OGA: variants seen among roughly 807,000 people sequenced by gnomAD.
OGA encodes O-GlcNAcase.
In OGA, 21 loss-of-function variants were observed where a neutral mutation model predicts 102.0. The ratio of observed to expected loss-of-function variants is 0.21; its 90% CI spans 0.15 to 0.30. The LOEUF (loss-of-function observed/expected upper bound fraction) is 0.30. Ranked by LOEUF, OGA falls within the 10% of genes least tolerant of loss-of-function variation. The pLI, the probability that OGA is intolerant of heterozygous loss-of-function variation, is 1.00. For missense variants in OGA, 765 were observed against 1,107.8 expected (o/e 0.69, Z 4.39); for synonymous variants, 408 against 378.2 (o/e 1.08, Z -0.91).
At chr10:101,804,094 C>T (rs913294520) in intron 6 of OGA, 75 bp from the exon 7 acceptor site, 2 of 1,400,454 alleles carry the variant, frequency 1.4e-6, no homozygotes, top group East Asian at 4.6e-5. Flanking sequence ...ACTGTAATCC[C>T]AGCACTCTGG....
At position 101,818,410 on chromosome 10, in the gene OGA, C is replaced by T. The variant is rs1347548222; in HGVS notation, c.-388G>A. 9.8e-6 allele frequency: 10 copies of T among 1,019,984 alleles called. No homozygotes were observed. Among genetic ancestry groups the T allele is most frequent in the South Asian group, 4.0e-5 (1 of 24,870 alleles). 63.2% of individuals were successfully genotyped at this position (1,019,984 alleles called of 1,614,324 possible). On this transcript the variant is annotated 5_prime_UTR_variant, in exon 1 of 16. Transcript: ENST00000361464. ...CTCCAAGCCCCGAGCTCTCCCTCTG[C>T]TGCTGCCTCCACCGCCCGCTTCCTG...
intron 1 of OGA, 61 bp from the exon 2 acceptor site, chr10:101,813,667 A>G: frequency 9.6e-7 from 1 of 1,038,750 alleles, no homozygotes; most frequent in Non-Finnish European, 1.5e-6. Flanking sequence ...CTTTATTGAG[A>G]AAAGCAAGTT....
At chr10:101,790,274 T>TTG (rs1330872364) in intron 14 of OGA, among the ~76,000 whole-genome samples, 11 of 142,608 alleles carry the variant, frequency 7.7e-5, no homozygotes, top group Non-Finnish European at 1.7e-4. Context: ...TGTTTTTTTT[T>TTG]TTTTTTTTTT....
intron 14 of OGA, among the ~76,000 whole-genome samples, chr10:101,788,130 TAAAAAA>T (rs529209574): frequency 1.9e-5 from 2 of 106,708 alleles, no homozygotes; most frequent in Non-Finnish European, 3.9e-5. Context: ...GACTCTGTCT[TAAAAAA>T]AAAAAAAAAA....
intron 7 of OGA, among the ~76,000 whole-genome samples, chr10:101,802,675 GA>G (rs763196765): frequency 2.9e-4 from 38 of 129,642 alleles, no homozygotes; most frequent in Admixed American, 1.2e-3. Flanking sequence ...ATCTCAAAAA[GA>G]AAAAAAAAAA....
Position 101,794,009 on chromosome 10 carries a change from C to A in OGA, c.1985-11G>T. The A allele has an allele frequency of 6.2e-7, 1 of 1,600,590 alleles. No homozygotes were observed. The highest frequency in any genetic ancestry group is 8.6e-7 in the Non-Finnish European group (1 of 1,168,974). On this transcript the variant is annotated splice_polypyrimidine_tract_variant and intron_variant, in intron 10 of 15. Transcript: ENST00000361464. Reference sequence around the variant, plus strand: ...AATGACTACGACACCCTGTTGAGATCAGATCCAAGCGGAGAACGTTACGAG... The same window carrying A: ...AATGACTACGACACCCTGTTGAGATAAGATCCAAGCGGAGAACGTTACGAG...
chr10:101,805,999 G>C (rs1452907689), intron 6 of OGA, 46 bp downstream of exon 6: 1 of 1,298,556 alleles, frequency 7.7e-7, no homozygotes, highest in African/African-American at 1.5e-5. Context: ...ATTTCTGCAA[G>C]TCCTACTTAA....
At chr10:101,788,733 T>G (rs569059900) in intron 14 of OGA, among the ~76,000 whole-genome samples, 1 of 142,196 alleles carries the variant, frequency 7.0e-6, no homozygotes, top group East Asian at 2.0e-4. Context: ...AAACTCCGTC[T>G]CAAAAAAAAA....
rs977403099 is a variant in OGA, at chr10:101,817,968, A to C, written c.55T>G (p.Ser19Ala). 13 of 1,604,836 alleles carry C rather than the reference A, an allele frequency of 8.1e-6. No homozygotes were observed. The highest frequency in any genetic ancestry group is 1.1e-5 in the Non-Finnish European group (13 of 1,175,206). ...GCCCCCGCAGAGGCGGCAGGGTTGGAGCTGAGCTCGCTCTCCCGCTCCTCC... is the reference window on the plus strand; with the variant it reads ...GCCCCCGCAGAGGCGGCAGGGTTGGCGCTGAGCTCGCTCTCCCGCTCCTCC... ...TLEERESELSSNPAASAGASL... is the reference protein window; with the variant it reads ...TLEERESELSANPAASAGASL... Residue 19 changes from serine (S) to alanine (A), a missense_variant, in exon 1 of 16, where the codon TCC becomes GCC. Physicochemically the swap from Ser to Ala is moderately conservative, Grantham distance 99. This residue lies in a region of OGA where 117 missense variants were observed against 85.7 expected (regional missense o/e 1.36). Transcript: ENST00000361464.
At position 101,794,004 on chromosome 10, in the gene OGA, G is replaced by A; in HGVS notation, c.1985-6C>T. The A allele has an allele frequency of 6.2e-7, 1 of 1,608,110 alleles. No individual in the cohort carries two copies. The highest frequency in any genetic ancestry group is 8.5e-7 in the Non-Finnish European group (1 of 1,174,866). On this transcript the variant is annotated splice_polypyrimidine_tract_variant and splice_region_variant and intron_variant, in intron 10 of 15. Coordinates refer to ENST00000361464, the MANE Select transcript of OGA (RefSeq NM_012215.5). The stretch of plus-strand genomic sequence containing the variant: ...TGAAGAATGACTACGACACCCTGTT[G>A]AGATCAGATCCAAGCGGAGAACGTT...
intron 9 of OGA, among the ~76,000 whole-genome samples, chr10:101,798,447 GTCACCCAGGCTGGAGTACAA>G (rs1306244471): frequency 7.6e-6 from 1 of 131,804 alleles, no homozygotes; most frequent in Non-Finnish European, 1.5e-5. Flanking sequence ...TTTCCCTCTC[GTCACCCAGGCTGGAGTACAA>G]TGGCACGATC....
rs1191825552 is a variant in OGA at position 101,784,814 on chromosome 10, G to T, written c.*1637C>A. 3.3e-5 allele frequency: 5 copies of T among 152,216 alleles called. No individual in the cohort carries two copies. The highest frequency in any genetic ancestry group is 7.3e-5 in the Non-Finnish European group (5 of 68,042). The allele number at this position is 152,216 out of a possible 1,614,324, so 9.4% of individuals were successfully genotyped here. A position where few individuals can be genotyped will look rare whatever the true frequency, so the allele number is the denominator to read the frequency against. On this transcript the variant is annotated 3_prime_UTR_variant, in exon 16 of 16. Coordinates refer to ENST00000361464, the MANE Select transcript of OGA (RefSeq NM_012215.5). ...GAAAACTCAGCTGTCTTACTATCTG[G>T]TAAGAGTCTTCCCTTCATCTCAAGC...
At chr10:101,797,583 G>A (rs1421752127) in intron 10 of OGA, 9 of 296,566 alleles carry the variant, frequency 3.0e-5, no homozygotes, top group South Asian at 2.1e-4. Context: ...CAATTGTTCT[G>A]TTAAACATAG....
At chr10:101,816,297 G>A (rs2065624230) in intron 1 of OGA, among the ~76,000 whole-genome samples, 1 of 152,172 alleles carries the variant, frequency 6.6e-6, no homozygotes, top group African/African-American at 2.4e-5. Flanking sequence ...CAAAAAATCA[G>A]TGCTGGCTCA....
intron 3 of OGA, among the ~76,000 whole-genome samples, chr10:101,811,976 A>G (rs1007367417): frequency 2.6e-5 from 4 of 152,196 alleles, no homozygotes; most frequent in Admixed American, 2.6e-4. Flanking sequence ...TTGAAGGCAC[A>G]CTTAAATAGA....
intron 14 of OGA, among the ~76,000 whole-genome samples, chr10:101,790,265 G>GTT (rs869235919): frequency 0.018 from 1,540 of 86,356 alleles, 30 homozygotes; most frequent in South Asian, 0.034. Flanking sequence ...ATAATATCTT[G>GTT]TTTTTTTTTT....
At chr10:101,816,521 T>A (rs2065627355) in intron 1 of OGA, among the ~76,000 whole-genome samples, 1 of 152,186 alleles carries the variant, frequency 6.6e-6, no homozygotes, top group Admixed American at 6.5e-5. Context: ...AGCTCCGAAA[T>A]TTCCCAGCAC....
chr10:101,812,339 C>T (rs933230058), intron 3 of OGA, among the ~76,000 whole-genome samples: 7 of 151,940 alleles, frequency 4.6e-5, no homozygotes, highest in Admixed American at 1.3e-4. Context: ...CTCGGGAGGG[C>T]GAGGTTTGCA....
chr10:101,787,800 AG>A, intron 14 of OGA: 2 of 293,952 alleles, frequency 6.8e-6, no homozygotes, highest in Non-Finnish European at 1.3e-5. Flanking sequence ...TTATATCGTC[AG>A]GGCTGGTCTC....
Sources: gnomAD v4.1 joint callset for allele counts (sites outside exome capture counted in the v4.1 genomes callset) on GRCh38, gnomAD v4.1.1 for gene constraint, gnomAD v4.1.1 regional missense constraint, MANE v1.5 for transcripts, NCBI Gene and HGNC (gene_info 2026-07-23, HGNC 2026-07-21) for gene names.